PDCL2: variants seen among roughly 807,000 people sequenced by gnomAD.
PDCL2 encodes the protein phosducin like 2.
A neutral mutation model predicts 30.3 loss-of-function variants in PDCL2; 23 were observed. The ratio of observed to expected loss-of-function variants is 0.76; its 90% confidence interval spans 0.55 to 1.08. The LOEUF (loss-of-function observed/expected upper bound fraction) is 1.08. Ranked by LOEUF, PDCL2 falls within the 50% of genes least tolerant of loss-of-function variation. PDCL2 has a pLI of 0.00. For missense variants in PDCL2, 243 were observed against 282.3 expected, an observed-to-expected ratio of 0.86 and a Z score of 1.00; for synonymous variants, 68 against 86.2, an observed-to-expected ratio of 0.79 and a Z score of 1.17.
chr4:55,560,361 C>T (rs1262554485), intron 5 of PDCL2, among the ~76,000 whole-genome samples: 3 of 152,162 alleles, frequency 2.0e-5, no homozygotes, highest in Admixed American at 2.0e-4. Context: ...GTAATCCCAG[C>T]ACTTTGGGAG....
intron 1 of PDCL2, among the ~76,000 whole-genome samples, chr4:55,587,511 G>C (rs1034043543): frequency 4.6e-5 from 7 of 150,722 alleles, no homozygotes; most frequent in African/African-American, 1.7e-4. Context: ...TATATGATCA[G>C]CCAATATTTT....
chr4:55,562,785 T>C (rs988646548), intron 4 of PDCL2, among the ~76,000 whole-genome samples, 173 bp from the exon 5 acceptor site: 1 of 152,270 alleles, frequency 6.6e-6, no homozygotes, highest in African/African-American at 2.4e-5. Flanking sequence ...TAGAGTCCTC[T>C]GGTTTTTATT....
intron 3 of PDCL2, among the ~76,000 whole-genome samples, chr4:55,573,387 A>C (rs1482705663): frequency 6.6e-6 from 1 of 152,038 alleles, no homozygotes; most frequent in Non-Finnish European, 1.5e-5. Flanking sequence ...CCTTTTTTGA[A>C]TATTACATCT....
rs200652328 is a variant in PDCL2, at chr4:55,569,681, G to A, written c.362+37C>T. Reference sequence around the variant, plus strand: ...AACCAAAAATATGTCTTTTAAAATAGTAGTATATTAACATTTTGAAATATT... The same window carrying A: ...AACCAAAAATATGTCTTTTAAAATAATAGTATATTAACATTTTGAAATATT... On this transcript the variant is annotated intron_variant, in intron 4 of 5. Coordinates refer to ENST00000295645, the MANE Select transcript of PDCL2 (RefSeq NM_152401.3). 9.9e-5 allele frequency: 141 copies of A among 1,417,190 alleles called. No individual in the cohort carries two copies. In the East Asian group the frequency reaches 3.5e-3, roughly 35 times the overall value. The allele number at this position is 1,417,190 out of a possible 1,614,324, so 87.8% of individuals were successfully genotyped here.
chr4:55,592,010 T>G (rs532943261), intron 1 of PDCL2, 94 bp downstream of exon 1: 1 of 1,511,576 alleles, frequency 6.6e-7, no homozygotes, highest in East Asian at 2.4e-5. Context: ...GCCTACCTCC[T>G]GTGTCCGCCC....
chr4:55,562,762 G>T, intron 4 of PDCL2, 150 bp from the exon 5 acceptor site: 1 of 544,274 alleles, frequency 1.8e-6, no homozygotes, highest in Non-Finnish European at 3.1e-6. Context: ...CTTTAGCAAT[G>T]AAGAACTGTA....
intron 1 of PDCL2, among the ~76,000 whole-genome samples, chr4:55,591,292 A>G (rs1273163728): frequency 7.3e-6 from 1 of 136,686 alleles, no homozygotes; most frequent in Non-Finnish European, 1.5e-5. Flanking sequence ...TTACTGTACC[A>G]AAAAAAAAAA....
chr4:55,573,976 C>T lies in PDCL2; in HGVS notation c.219-4115G>A, dbSNP rs191956181. 8.5e-3 allele frequency among the ~76,000 whole-genome samples: 1,288 copies of T among 151,860 alleles called. 15 individuals are homozygous for T. Among genetic ancestry groups the T allele is most frequent in the Non-Finnish European group, 0.013 (909 of 67,914 alleles). ...TGGCATGGTCTCGGCTCACTGCAAC[C>T]TCTGCCTCCCAGGTTCAAGCGATTC... On this transcript the variant is annotated intron_variant, in intron 3 of 5. Coordinates refer to ENST00000295645, the MANE Select transcript of PDCL2 (RefSeq NM_152401.3).
Position 55,582,138 on chromosome 4 carries a change from G to A in PDCL2, c.106C>T (p.Arg36Cys), listed in dbSNP as rs775165131. The change falls in exon 2 of 6, where the codon CGT becomes TGT. Residue 36 changes from arginine to cysteine, a missense_variant. Transcript: ENST00000295645. ...SKDEIEEMVLRLQKEAMVKPF... is the reference protein window; with the variant it reads ...SKDEIEEMVLCLQKEAMVKPF... ...ATACCCATTGCTTCTTTCTGTAAAC[G>A]TAAAACCATTTCTTCAATTTCATCT... The A allele has an allele frequency of 9.3e-6, 15 of 1,612,816 alleles. No homozygotes were observed. The highest frequency in any genetic ancestry group is 2.2e-5 in the East Asian group (1 of 44,838).
chr4:55,575,635 T>C (rs1157824215), intron 3 of PDCL2, among the ~76,000 whole-genome samples: 3 of 152,166 alleles, frequency 2.0e-5, no homozygotes, highest in Non-Finnish European at 4.4e-5. Context: ...CATAAACTAC[T>C]GAAAGGCAAG....
Position 55,580,773 on chromosome 4 carries a change from T to A in PDCL2, c.218+48A>T, listed in dbSNP as rs1295440219. 3.4e-5 allele frequency: 46 copies of A among 1,346,394 alleles called. No individual in the cohort carries two copies. In the East Asian group the frequency reaches 1.1e-3, roughly 33 times the overall value. 83.4% of individuals were successfully genotyped at this position (1,346,394 alleles called of 1,614,324 possible). On this transcript the variant is annotated intron_variant, in intron 3 of 5. Transcript: ENST00000295645. ...ACAAATCTCTTTAGTTTTATTCTTA[T>A]TATACTTCATTCAAAAATTTATAAT...
At chr4:55,567,396 G>A (rs1413936219) in intron 4 of PDCL2, among the ~76,000 whole-genome samples, 1 of 152,044 alleles carries the variant, frequency 6.6e-6, no homozygotes, top group Admixed American at 6.6e-5. Context: ...CTGGCCAGAT[G>A]TGGTGGTGCA....
chr4:55,575,386 A>T (rs1577912890), intron 3 of PDCL2, among the ~76,000 whole-genome samples: 1 of 151,618 alleles, frequency 6.6e-6, no homozygotes, highest in South Asian at 2.1e-4. Context: ...AAAAAGAATG[A>T]AAAAAAAATA....
intron 3 of PDCL2, among the ~76,000 whole-genome samples, chr4:55,570,270 A>C (rs1311524529): frequency 1.3e-5 from 2 of 152,206 alleles, no homozygotes; most frequent in African/African-American, 4.8e-5. Flanking sequence ...TAATGAACTT[A>C]ATCCTTGTAA....
At chr4:55,577,206 CT>C (rs138569147) in intron 3 of PDCL2, among the ~76,000 whole-genome samples, 5,160 of 152,246 alleles carry the variant, frequency 0.034, 104 homozygotes, top group Non-Finnish European at 0.054. Flanking sequence ...TCTCAGGCCT[CT>C]TTTATAAGAG....
At chr4:55,571,472 G>C (rs1732420404) in intron 3 of PDCL2, among the ~76,000 whole-genome samples, 1 of 150,054 alleles carries the variant, frequency 6.7e-6, no homozygotes, top group African/African-American at 2.5e-5. Flanking sequence ...CAGATCACGA[G>C]GGCAGGAGAT....
At chr4:55,573,864 C>G (rs1387147837) in intron 3 of PDCL2, among the ~76,000 whole-genome samples, 1 of 150,470 alleles carries the variant, frequency 6.6e-6, no homozygotes, top group Non-Finnish European at 1.5e-5. Context: ...AGTTCCATTA[C>G]TTTAGCTTAT....
At chr4:55,591,702 A>T (rs1733007005) in intron 1 of PDCL2, among the ~76,000 whole-genome samples, 1 of 152,182 alleles carries the variant, frequency 6.6e-6, no homozygotes, top group Non-Finnish European at 1.5e-5. Context: ...ATATGGTATT[A>T]AGACATATGT....
chr4:55,557,657 G>A (rs1177685289), intron 5 of PDCL2, among the ~76,000 whole-genome samples: 1 of 151,840 alleles, frequency 6.6e-6, no homozygotes, highest in African/African-American at 2.4e-5. Context: ...CCTCTCACAT[G>A]CAAAAGACAT....
Sources: gnomAD v4.1 joint callset for allele counts (sites outside exome capture counted in the v4.1 genomes callset) on GRCh38, gnomAD v4.1.1 for gene constraint, MANE v1.5 for transcripts, NCBI Gene and HGNC (gene_info 2026-07-23, HGNC 2026-07-21) for gene names.